Variants in FMN1 observed in about 807,000 individuals in gnomAD.
The protein encoded by FMN1 is formin-1.
In FMN1, 110 loss-of-function variants were observed where a neutral mutation model predicts 132.4. That is an observed-to-expected ratio of 0.83 (90% confidence interval 0.71 to 0.97). FMN1 has a LOEUF of 0.97. Among genes scored for constraint, FMN1 ranks in the 50% least tolerant of loss-of-function variants. The pLI is 0.00. For missense variants in FMN1, 1,792 were observed against 1,705.3 expected, an observed-to-expected ratio of 1.05 and a Z score of -0.90; for synonymous variants, 722 against 651.7, an observed-to-expected ratio of 1.11 and a Z score of -1.64.
chr15:33,150,397 A>C, intron 4 of FMN1: 10 of 985,472 alleles, frequency 1.0e-5, no homozygotes, highest in Non-Finnish European at 1.1e-5. Context: ...GGGAGGAGGC[A>C]GGAGAAGAAA....
intron 4 of FMN1, among the ~76,000 whole-genome samples, chr15:33,121,210 C>A (rs1306592546): frequency 1.3e-5 from 2 of 152,188 alleles, no homozygotes; most frequent in Non-Finnish European, 2.9e-5. Flanking sequence ...ATCAATAGAG[C>A]AGTGGGTCCT....
chr15:32,994,124 C>T (rs866164120), intron 7 of FMN1, among the ~76,000 whole-genome samples: 1 of 151,872 alleles, frequency 6.6e-6, no homozygotes, highest in Non-Finnish European at 1.5e-5. Flanking sequence ...ATTAACATAT[C>T]AATTTGTGCT....
rs397952775 is a variant in FMN1 at position 32,879,236 on chromosome 15, G to GT, written c.3835+8935dup. On this transcript the variant is annotated intron_variant, in intron 16 of 20. Transcript: ENST00000616417. The stretch of plus-strand genomic sequence containing the variant: ...TTTTACAAAAATAAATCATATCAAA[G>GT]TTTTTTTTATTATTTCTAAAACTTT... 3.0e-3 allele frequency among the ~76,000 whole-genome samples: 458 copies of GT among 152,148 alleles called. 1 individual carries two copies. Among genetic ancestry groups the GT allele is most frequent in the African/African-American group, 0.011 (439 of 41,490 alleles).
intron 5 of FMN1, among the ~76,000 whole-genome samples, chr15:33,068,733 G>A (rs1465080546): frequency 2.6e-5 from 4 of 152,072 alleles, no homozygotes; most frequent in Admixed American, 2.0e-4. Context: ...GGTTTCAGAT[G>A]ACTGCTGTTT....
At chr15:33,167,490 G>A (rs1965155192) in intron 3 of FMN1, among the ~76,000 whole-genome samples, 1 of 152,138 alleles carries the variant, frequency 6.6e-6, no homozygotes, top group South Asian at 2.1e-4. Context: ...ATTTCATGAG[G>A]TCTTAACCAG....
intron 4 of FMN1, among the ~76,000 whole-genome samples, chr15:33,140,235 C>CACACACACACAG (rs2140249142): frequency 6.8e-6 from 1 of 147,786 alleles, no homozygotes; most frequent in East Asian, 2.1e-4. Flanking sequence ...CACACACACA[C>CACACACACACAG]AGCTTATCCG....
chr15:32,807,792 G>A (rs1228860848), intron 17 of FMN1, among the ~76,000 whole-genome samples: 1 of 152,174 alleles, frequency 6.6e-6, no homozygotes, highest in African/African-American at 2.4e-5. Context: ...GAGGGTTTAG[G>A]GAAAAGGGCC....
chr15:32,968,849 A>C lies in FMN1; in HGVS notation c.2852T>G (p.Leu951Arg). 1 of 1,117,432 alleles carries C rather than the reference A, an allele frequency of 8.9e-7. No individual in the cohort carries two copies. The highest frequency in any genetic ancestry group is 1.3e-6 in the Non-Finnish European group (1 of 782,720). 69.2% of individuals were successfully genotyped at this position (1,117,432 alleles called of 1,614,324 possible). Residue 951 changes from leucine (L) to arginine (R), a missense_variant, in exon 8 of 21, where the codon CTT becomes CGT. By Grantham distance (102) the Leu-to-Arg change is moderately radical. Coordinates refer to ENST00000616417, the MANE Select transcript of FMN1 (RefSeq NM_001277313.2). The part of the protein sequence containing the change: ...GPPPAPPPPG[L>R]APPPPPGLFF... The stretch of plus-strand genomic sequence containing the variant: ...GAGTCCAGGGGGAGGTGGGGGTGCA[A>C]GTCCTGGGGGTGGTGGAGCAGGAGG...
rs1963707865 is a variant in FMN1 at position 33,135,124 on chromosome 15, G to GC, written c.1867+17923dup. Among the ~76,000 whole-genome samples the GC allele has an allele frequency of 3.9e-5, 6 of 152,206 alleles. No homozygotes were observed. In the South Asian group the frequency reaches 1.2e-3, roughly 32 times the overall value. On this transcript the variant is annotated intron_variant, in intron 4 of 20. Transcript: ENST00000616417. ...TTCTCCCTTCATATTATCTTCCAAA[G>GC]CCCCGCTTTTTTTGGTCTCCCAAGG...
chr15:33,138,824 G>A (rs145944301), intron 4 of FMN1, among the ~76,000 whole-genome samples: 63 of 152,276 alleles, frequency 4.1e-4, no homozygotes, highest in African/African-American at 1.5e-3. Context: ...CAGGGCAGAG[G>A]CTAGGAGCAG....
intron 5 of FMN1, among the ~76,000 whole-genome samples, chr15:33,077,363 A>G (rs1484863063): frequency 3.2e-5 from 3 of 94,246 alleles, no homozygotes; most frequent in African/African-American, 3.2e-5. Flanking sequence ...TAATATATAT[A>G]TATATATTTT....
chr15:32,985,257 A>G (rs913573821), intron 7 of FMN1, among the ~76,000 whole-genome samples: 2 of 152,156 alleles, frequency 1.3e-5, no homozygotes, highest in Admixed American at 6.6e-5. Flanking sequence ...AACTCTGCAC[A>G]GCTTATCTTG....
At chr15:33,125,981 T>C (rs1192912066) in intron 4 of FMN1, among the ~76,000 whole-genome samples, 1 of 150,414 alleles carries the variant, frequency 6.6e-6, no homozygotes, top group Non-Finnish European at 1.5e-5. Flanking sequence ...GTCACTAAGT[T>C]AGGAAAGTGG....
chr15:32,966,985 C>T (rs987150784), intron 8 of FMN1, among the ~76,000 whole-genome samples: 4 of 152,138 alleles, frequency 2.6e-5, no homozygotes, highest in East Asian at 1.9e-4. Context: ...AGGAAGTGCC[C>T]GTGTTGCAGT....
At chr15:33,086,494 A>G (rs1337948618) in intron 5 of FMN1, among the ~76,000 whole-genome samples, 1 of 152,160 alleles carries the variant, frequency 6.6e-6, no homozygotes, top group African/African-American at 2.4e-5. Context: ...TAAAAAATTA[A>G]GTAATCATTT....
intron 4 of FMN1, among the ~76,000 whole-genome samples, chr15:33,134,226 A>G (rs1456838456): frequency 1.3e-5 from 2 of 152,176 alleles, no homozygotes; most frequent in Non-Finnish European, 2.9e-5. Context: ...TGGGATTACA[A>G]GTGTGAGCCA....
At chr15:32,797,920 G>A (rs2057342826) in intron 19 of FMN1, among the ~76,000 whole-genome samples, 1 of 152,024 alleles carries the variant, frequency 6.6e-6, no homozygotes, top group Non-Finnish European at 1.5e-5. Flanking sequence ...TGGAATGTCA[G>A]GCCTCACAGG....
intron 16 of FMN1, among the ~76,000 whole-genome samples, chr15:32,881,118 T>G (rs1031721745): frequency 1.3e-5 from 2 of 152,116 alleles, no homozygotes; most frequent in African/African-American, 4.8e-5. Context: ...TACGGGGGAG[T>G]AAAACAGATT....
At chr15:32,783,798 G>A (rs1347244843) in intron 19 of FMN1, among the ~76,000 whole-genome samples, 2 of 138,966 alleles carry the variant, frequency 1.4e-5, no homozygotes, top group African/African-American at 5.4e-5. Context: ...TTGAAGTGGC[G>A]TGGCTTTCCA....
Sources: gnomAD v4.1 joint callset for allele counts (sites outside exome capture counted in the v4.1 genomes callset) on GRCh38, gnomAD v4.1.1 for gene constraint, MANE v1.5 for transcripts, NCBI Gene and HGNC (gene_info 2026-07-23, HGNC 2026-07-21) for gene names.